Variants in CCDC91 observed in about 807,000 individuals in gnomAD.
CCDC91 encodes the protein coiled-coil domain-containing protein 91.
A neutral mutation model predicts 63.2 loss-of-function variants in CCDC91; 48 were observed. The ratio of observed to expected loss-of-function variants is 0.76; its 90% CI spans 0.60 to 0.97. CCDC91 has a LOEUF of 0.97. CCDC91 is among the 50% of genes least tolerant of loss of function. CCDC91 has a pLI of 0.00. For missense variants in CCDC91, 500 were observed against 494.6 expected (o/e 1.01, Z -0.10); for synonymous variants, 167 against 165.8 (o/e 1.01, Z -0.06).
intron 8 of CCDC91, among the ~76,000 whole-genome samples, chr12:28,425,095 C>G (rs1354576702): frequency 6.6e-6 from 1 of 152,018 alleles, no homozygotes; most frequent in Non-Finnish European, 1.5e-5. Context: ...CTTTATTTAG[C>G]AAGCTTCACA....
intron 8 of CCDC91, among the ~76,000 whole-genome samples, chr12:28,433,260 G>A (rs1353855687): frequency 6.6e-6 from 1 of 151,822 alleles, no homozygotes; most frequent in Non-Finnish European, 1.5e-5. Flanking sequence ...TGTGCGAATT[G>A]TGCCTTTGGT....
chr12:28,346,258 G>C (rs1942802899), intron 6 of CCDC91, among the ~76,000 whole-genome samples: 1 of 152,092 alleles, frequency 6.6e-6, no homozygotes, highest in Non-Finnish European at 1.5e-5. Context: ...GTGTTTTTCT[G>C]ATTGAAAACC....
At chr12:28,439,019 C>G (rs1402395868) in intron 8 of CCDC91, among the ~76,000 whole-genome samples, 3 of 152,092 alleles carry the variant, frequency 2.0e-5, no homozygotes, top group African/African-American at 7.2e-5. Context: ...AAAATATAAA[C>G]CAGGCCTGCC....
intron 1 of CCDC91, among the ~76,000 whole-genome samples, chr12:28,216,008 C>T (rs1943539671): frequency 6.6e-6 from 1 of 151,872 alleles, no homozygotes; most frequent in Non-Finnish European, 1.5e-5. Flanking sequence ...AGAGGAGAAA[C>T]CCATCAATAG....
chr12:28,403,287 T>C (rs1382443909), intron 8 of CCDC91, among the ~76,000 whole-genome samples: 3 of 152,136 alleles, frequency 2.0e-5, no homozygotes, highest in Non-Finnish European at 2.9e-5. Context: ...TGCTTTCTGT[T>C]TGGAAGGTTG....
intron 1 of CCDC91, among the ~76,000 whole-genome samples, chr12:28,249,192 A>G (rs1480083767): frequency 6.6e-6 from 1 of 152,182 alleles, no homozygotes. Flanking sequence ...TTAAAGAAAT[A>G]CTGGGTGTGT....
intron 3 of CCDC91, among the ~76,000 whole-genome samples, chr12:28,292,570 T>C (rs1949316806): frequency 6.6e-6 from 1 of 152,138 alleles, no homozygotes; most frequent in Admixed American, 6.5e-5. Flanking sequence ...TATGGGTTGA[T>C]GGCACATGTG....
chr12:28,419,397 A>T (rs1377309317), intron 8 of CCDC91, among the ~76,000 whole-genome samples: 2 of 152,196 alleles, frequency 1.3e-5, no homozygotes, highest in East Asian at 1.9e-4. Flanking sequence ...CAAAAATTTT[A>T]TATCAGATTG....
intron 3 of CCDC91, among the ~76,000 whole-genome samples, chr12:28,298,398 G>A (rs1250620325): frequency 6.8e-6 from 1 of 146,678 alleles, no homozygotes; most frequent in Non-Finnish European, 1.5e-5. Context: ...AAGCTAGTTG[G>A]CCCCTATTAG....
At chr12:28,264,585 C>CTGTATGTGTGTGTGTGTGTGTGTG (rs1555169638) in intron 3 of CCDC91, among the ~76,000 whole-genome samples, 3 of 137,258 alleles carry the variant, frequency 2.2e-5, no homozygotes, top group Non-Finnish European at 4.6e-5. Context: ...ATATGTCTGT[C>CTGTATGTGTGTGTGTGTGTGTGTG]TGTGTGTGTG....
At chr12:28,537,904 A>G (rs1283102279) in intron 12 of CCDC91, among the ~76,000 whole-genome samples, 1 of 152,178 alleles carries the variant, frequency 6.6e-6, no homozygotes, top group Non-Finnish European at 1.5e-5. Flanking sequence ...AAGTCTTGGG[A>G]ATAATGGCCT....
intron 8 of CCDC91, among the ~76,000 whole-genome samples, chr12:28,425,870 A>G (rs1948287068): frequency 6.6e-6 from 1 of 152,174 alleles, no homozygotes. Flanking sequence ...TGTTTCAGCA[A>G]TCCCACCAGG....
chr12:28,469,008 T>A (rs1950677092), intron 11 of CCDC91, among the ~76,000 whole-genome samples: 1 of 152,068 alleles, frequency 6.6e-6, no homozygotes, highest in South Asian at 2.1e-4. Context: ...ACTGAAAGCC[T>A]ATACTCTTAG....
intron 6 of CCDC91, among the ~76,000 whole-genome samples, chr12:28,345,904 C>T (rs1942777556): frequency 6.6e-6 from 1 of 152,014 alleles, no homozygotes. Flanking sequence ...ATGTCAGTGC[C>T]ATTGATCCCT....
rs1939619897 is a variant in CCDC91, at chr12:28,314,269, C to A, written c.576+6520C>A. On this transcript the variant is annotated intron_variant, in intron 6 of 12. Coordinates refer to ENST00000536442, the MANE Select transcript of CCDC91 (RefSeq NM_018318.5). Reference sequence around the variant, plus strand: ...TACCTATAAATGGATTTATACAGCCCCAGACTACTACTTACATTCTGTTGC... The same window carrying A: ...TACCTATAAATGGATTTATACAGCCACAGACTACTACTTACATTCTGTTGC... Among the ~76,000 whole-genome samples, 4 of 151,782 alleles carry A rather than the reference C, an allele frequency of 2.6e-5. No individual in the cohort carries two copies. The South Asian group carries it at 8.3e-4, about 32-fold the overall frequency.
At chr12:28,201,676 C>T (rs57033279) in intron 1 of CCDC91, among the ~76,000 whole-genome samples, 1 of 145,006 alleles carries the variant, frequency 6.9e-6, no homozygotes, top group Non-Finnish European at 1.5e-5. Flanking sequence ...CCAAGGCAGG[C>T]GGCTGGGAGG....
chr12:28,521,034 A>C (rs1446285119), intron 12 of CCDC91, among the ~76,000 whole-genome samples: 1 of 152,218 alleles, frequency 6.6e-6, no homozygotes, highest in Non-Finnish European at 1.5e-5. Context: ...CTTTTGGCTT[A>C]GGATTGACTT....
chr12:28,221,259 C>A (rs7137557), intron 1 of CCDC91, among the ~76,000 whole-genome samples: 59,989 of 151,822 alleles, frequency 0.4, 12,100 homozygotes, highest in Middle Eastern at 0.49. Flanking sequence ...TTTATATCTT[C>A]CATGCCTCTC....
chr12:28,264,585 C>CTGTA (rs1555169638), intron 3 of CCDC91, among the ~76,000 whole-genome samples: 1,721 of 137,302 alleles, frequency 0.013, 13 homozygotes, highest in South Asian at 0.025. Context: ...ATATGTCTGT[C>CTGTA]TGTGTGTGTG....
Sources: gnomAD v4.1 joint callset for allele counts (sites outside exome capture counted in the v4.1 genomes callset) on GRCh38, gnomAD v4.1.1 for gene constraint, MANE v1.5 for transcripts, NCBI Gene and HGNC (gene_info 2026-07-23, HGNC 2026-07-21) for gene names.